The following CADM2 variants were observed in gnomAD, a reference collection of about 807,000 sequenced individuals.
CADM2 encodes cell adhesion molecule 2, also known as immunoglobulin superfamily member 4D.
A neutral mutation model predicts 49.8 loss-of-function variants in CADM2; 12 were observed. That is an observed-to-expected ratio of 0.24 (90% CI 0.15 to 0.39). The LOEUF (loss-of-function observed/expected upper bound fraction) is 0.39. CADM2 is among the 10% of genes least tolerant of loss of function. The probability of loss-of-function intolerance (pLI) is 1.00; values close to 1 mark genes in which losing one functional copy is unlikely to be tolerated. For missense variants in CADM2, 378 were observed against 492.3 expected, an observed-to-expected ratio of 0.77 and a Z score of 2.20; for synonymous variants, 214 against 175.4, an observed-to-expected ratio of 1.22 and a Z score of -1.74.
chr3:85,505,038 G>A (rs1204228318), intron 1 of CADM2, among the ~76,000 whole-genome samples: 1 of 152,102 alleles, frequency 6.6e-6, no homozygotes, highest in African/African-American at 2.4e-5. Context: ...GCGCAGCCCC[G>A]GTTCCCGCTG....
At chr3:85,563,700 C>T (rs1444118466) in intron 1 of CADM2, among the ~76,000 whole-genome samples, 1 of 152,078 alleles carries the variant, frequency 6.6e-6, no homozygotes, top group Non-Finnish European at 1.5e-5. Context: ...TAGATAAAGG[C>T]AGCAATTTGC....
At chr3:84,999,690 T>G (rs2033357976) in intron 1 of CADM2, among the ~76,000 whole-genome samples, 1 of 152,134 alleles carries the variant, frequency 6.6e-6, no homozygotes, top group South Asian at 2.1e-4. Context: ...AGCTCAAATT[T>G]TTTAGTGCTC....
chr3:85,422,025 T>C (rs1318562924), intron 1 of CADM2, among the ~76,000 whole-genome samples: 1 of 152,232 alleles, frequency 6.6e-6, no homozygotes, highest in African/African-American at 2.4e-5. Flanking sequence ...GGGATTGACA[T>C]TGGAGTTCAA....
chr3:85,620,601 C>A (rs1013499622), intron 1 of CADM2, among the ~76,000 whole-genome samples: 20 of 151,920 alleles, frequency 1.3e-4, no homozygotes, highest in Non-Finnish European at 4.4e-5. Flanking sequence ...AGTTCATTGT[C>A]TTAGTTACAG....
intron 1 of CADM2, among the ~76,000 whole-genome samples, chr3:84,995,329 A>G (rs573438133): frequency 3.3e-5 from 5 of 152,348 alleles, no homozygotes; most frequent in African/African-American, 9.6e-5. Context: ...CTCGTTTGCA[A>G]CTAACTCAGT....
chr3:85,861,797 A>G (rs1197796256), intron 3 of CADM2, among the ~76,000 whole-genome samples: 3 of 152,100 alleles, frequency 2.0e-5, no homozygotes, highest in Non-Finnish European at 2.9e-5. Context: ...GGGGGTGGAT[A>G]GAATATTTTG....
chr3:85,228,785 A>C (rs1043711706), intron 1 of CADM2, among the ~76,000 whole-genome samples: 1 of 151,930 alleles, frequency 6.6e-6, no homozygotes, highest in African/African-American at 2.4e-5. Context: ...TCTCCTAGCC[A>C]GTCTACACAG....
chr3:85,718,671 C>T (rs945925663), intron 1 of CADM2, among the ~76,000 whole-genome samples: 3 of 151,450 alleles, frequency 2.0e-5, no homozygotes, highest in East Asian at 1.9e-4. Context: ...ACCATGAAAA[C>T]GGTAGAGTGA....
chr3:85,430,232 A>G (rs1273408012), intron 1 of CADM2, among the ~76,000 whole-genome samples: 4 of 152,182 alleles, frequency 2.6e-5, no homozygotes, highest in Middle Eastern at 3.2e-3. Flanking sequence ...ATCCTTTTAT[A>G]GCTTTCCTAG....
chr3:85,609,980 A>G (rs1559941298), intron 1 of CADM2, among the ~76,000 whole-genome samples: 1 of 152,020 alleles, frequency 6.6e-6, no homozygotes, highest in Admixed American at 6.6e-5. Flanking sequence ...AACTGTACAC[A>G]TTTGTAAAAT....
At chr3:85,393,093 A>AG (rs2034598888) in intron 1 of CADM2, among the ~76,000 whole-genome samples, 1 of 137,010 alleles carries the variant, frequency 7.3e-6, no homozygotes, top group African/African-American at 2.8e-5. Context: ...ACTCTTTAAA[A>AG]AAAAAAAAAA....
At chr3:85,132,795 G>T (rs1257977268) in intron 1 of CADM2, among the ~76,000 whole-genome samples, 1 of 152,068 alleles carries the variant, frequency 6.6e-6, no homozygotes, top group African/African-American at 2.4e-5. Context: ...GAAGCTTTTG[G>T]GTTTTTTCCA....
chr3:86,054,536 G>C (rs909863092), intron 8 of CADM2, among the ~76,000 whole-genome samples: 1 of 151,962 alleles, frequency 6.6e-6, no homozygotes, highest in Non-Finnish European at 1.5e-5. Flanking sequence ...TATACACATG[G>C]ATAAACATCA....
intron 3 of CADM2, among the ~76,000 whole-genome samples, chr3:85,867,793 C>A (rs1025073459): frequency 2.0e-5 from 3 of 152,038 alleles, no homozygotes; most frequent in Admixed American, 6.6e-5. Context: ...GTGATAAAAA[C>A]AGTGAATCGG....
chr3:85,686,028 G>A (rs2066204087), intron 1 of CADM2, among the ~76,000 whole-genome samples: 1 of 152,112 alleles, frequency 6.6e-6, no homozygotes, highest in Non-Finnish European at 1.5e-5. Flanking sequence ...AATGGTATTT[G>A]TTTCTGTTTA....
At chr3:85,996,827 C>G (rs1729490931) in intron 8 of CADM2, among the ~76,000 whole-genome samples, 1 of 151,992 alleles carries the variant, frequency 6.6e-6, no homozygotes. Context: ...ATGGCTTTTC[C>G]TAAACATCTA....
At chr3:85,628,903 G>T (rs936837672) in intron 1 of CADM2, among the ~76,000 whole-genome samples, 265 of 151,116 alleles carry the variant, frequency 1.8e-3, no homozygotes, top group Non-Finnish European at 1.6e-3. Context: ...AGTTATTGAG[G>T]TGGTATATGT....
intron 1 of CADM2, among the ~76,000 whole-genome samples, chr3:84,982,702 C>T (rs1575967509): frequency 1.5e-3 from 117 of 75,998 alleles, no homozygotes; most frequent in South Asian, 3.5e-3. Context: ...AACTATAAAG[C>T]ATATATATAT....
chr3:85,809,485 G>A (rs2072674876), intron 3 of CADM2, among the ~76,000 whole-genome samples: 1 of 151,986 alleles, frequency 6.6e-6, no homozygotes, highest in South Asian at 2.1e-4. Context: ...CAGCTACTCG[G>A]GAGTCTGAAG....
Sources: gnomAD v4.1 joint callset for allele counts (sites outside exome capture counted in the v4.1 genomes callset) on GRCh38, gnomAD v4.1.1 for gene constraint, MANE v1.5 for transcripts, NCBI Gene and HGNC (gene_info 2026-07-23, HGNC 2026-07-21) for gene names.